Variants in EML4 observed in about 807,000 individuals in gnomAD.
EML4 encodes the protein EMAP like 4, also known as echinoderm microtubule-associated protein-like 4.
Under a neutral mutation model 129.0 loss-of-function variants are expected in EML4, and 72 were observed. The ratio of observed to expected loss-of-function variants is 0.56; its 90% CI spans 0.46 to 0.68. EML4 has a LOEUF of 0.68. Ranked by LOEUF, EML4 falls within the 30% of genes least tolerant of loss-of-function variation. The pLI is 0.00. For missense variants in EML4, 1,363 were observed against 1,190.6 expected (o/e 1.14, Z -2.13); for synonymous variants, 532 against 405.0 (o/e 1.31, Z -3.77).
intron 1 of EML4, among the ~76,000 whole-genome samples, chr2:42,219,162 G>A (rs1673393056): frequency 6.6e-6 from 1 of 152,100 alleles, no homozygotes; most frequent in South Asian, 2.1e-4. Context: ...TAGCAGAAAC[G>A]GCATCAAATA....
At position 42,309,953 on chromosome 2, in the gene EML4, T is replaced by C. The variant is rs527439665; in HGVS notation, c.1967+5402T>C. 9.8e-5 allele frequency among the ~76,000 whole-genome samples: 15 copies of C among 152,356 alleles called. No homozygotes were observed. The East Asian group carries it at 2.9e-3, about 29-fold the overall frequency. On this transcript the variant is annotated intron_variant, in intron 17 of 22. Transcript: ENST00000318522. Reference sequence around the variant, plus strand: ...ACTTCTATGTTTTCTTCTAAGAGTTTTATAGTTTTAGCTCTTACCTTTAGG... The same window carrying C: ...ACTTCTATGTTTTCTTCTAAGAGTTCTATAGTTTTAGCTCTTACCTTTAGG...
At chr2:42,256,954 A>G (rs1035470195) in intron 3 of EML4, among the ~76,000 whole-genome samples, 3 of 152,262 alleles carry the variant, frequency 2.0e-5, no homozygotes, top group Non-Finnish European at 4.4e-5. Flanking sequence ...TGAATTTTCC[A>G]TAGCAAGTGA....
intron 1 of EML4, among the ~76,000 whole-genome samples, chr2:42,204,777 T>C (rs753377708): frequency 2.0e-5 from 3 of 152,214 alleles, no homozygotes; most frequent in Non-Finnish European, 4.4e-5. Context: ...ATGATTCTTC[T>C]AACAGTTTTT....
At chr2:42,247,364 C>T (rs186190736) in intron 2 of EML4, among the ~76,000 whole-genome samples, 47 of 152,198 alleles carry the variant, frequency 3.1e-4, no homozygotes, top group Admixed American at 2.3e-3. Context: ...AGACCGTAGA[C>T]ATTTGAAAGA....
At chr2:42,238,557 A>G (rs1268533005) in intron 1 of EML4, among the ~76,000 whole-genome samples, 3 of 152,208 alleles carry the variant, frequency 2.0e-5, no homozygotes, top group Admixed American at 1.3e-4. Context: ...AGCTTGGGCA[A>G]TATTGTGAGA....
At chr2:42,245,094 C>CTTTCTT (rs1336279430) in intron 1 of EML4, among the ~76,000 whole-genome samples, 1 of 66,562 alleles carries the variant, frequency 1.5e-5, no homozygotes, top group African/African-American at 6.5e-5. Context: ...AATTTTCTTT[C>CTTTCTT]TTTTTTTTTT....
intron 1 of EML4, among the ~76,000 whole-genome samples, chr2:42,176,913 C>A (rs966893450): frequency 6.6e-6 from 1 of 152,148 alleles, no homozygotes; most frequent in Non-Finnish European, 1.5e-5. Flanking sequence ...CCTGCCTCAG[C>A]CTTCCGACTA....
intron 4 of EML4, among the ~76,000 whole-genome samples, chr2:42,262,288 T>A (rs1259935586): frequency 6.6e-6 from 1 of 152,224 alleles, no homozygotes; most frequent in Non-Finnish European, 1.5e-5. Context: ...TGTCTGTGTG[T>A]CTCATGCAGA....
At chr2:42,275,587 T>C (rs962408552) in intron 6 of EML4, among the ~76,000 whole-genome samples, 5 of 152,320 alleles carry the variant, frequency 3.3e-5, no homozygotes, top group South Asian at 4.1e-4. Flanking sequence ...CTACAGAATT[T>C]CTTCTTTAAT....
intron 19 of EML4, among the ~76,000 whole-genome samples, chr2:42,318,099 A>C (rs1490079540): frequency 6.6e-6 from 1 of 152,240 alleles, no homozygotes; most frequent in East Asian, 1.9e-4. Context: ...CCTAGCAAAC[A>C]AAATGGCTTA....
At chr2:42,194,326 A>G (rs1008666805) in intron 1 of EML4, among the ~76,000 whole-genome samples, 4 of 122,666 alleles carry the variant, frequency 3.3e-5, no homozygotes, top group African/African-American at 1.2e-4. Flanking sequence ...CCAGATCTGT[A>G]TTTTTCACTT....
rs1485424219 is a variant in EML4 at position 42,331,129 on chromosome 2, TA to T, written c.*925del. ...TGTTCCCTCAGTAATAGGAGAAATA[TA>T]AATACAGTAAGTTTAGATTATTGAA... is the stretch of plus-strand genomic sequence containing the variant. On this transcript the variant is annotated 3_prime_UTR_variant, in exon 23 of 23. Coordinates refer to ENST00000318522, the MANE Select transcript of EML4 (RefSeq NM_019063.5). 1 of 218,336 alleles carries T rather than the reference TA, an allele frequency of 4.6e-6. No individual in the cohort carries two copies. The highest frequency in any genetic ancestry group is 1.9e-4 in the South Asian group (1 of 5,392). 13.5% of individuals were successfully genotyped at this position (218,336 alleles called of 1,614,324 possible). A position where few individuals can be genotyped will look rare whatever the true frequency, so the allele number is the denominator to read the frequency against.
intron 22 of EML4, among the ~76,000 whole-genome samples, chr2:42,329,530 T>C (rs1039917805): frequency 5.9e-5 from 9 of 152,174 alleles, no homozygotes; most frequent in African/African-American, 2.2e-4. Flanking sequence ...TGTCCAATTC[T>C]TCTGTTTCGT....
At chr2:42,319,737 T>G (rs957598072) in intron 19 of EML4, 1 of 152,250 alleles carries the variant, frequency 6.6e-6, no homozygotes, top group Non-Finnish European at 1.5e-5. Flanking sequence ...GTTCGTACTT[T>G]ATAGCATTGT....
At chr2:42,249,069 T>C (rs919655807) in intron 2 of EML4, among the ~76,000 whole-genome samples, 2 of 152,208 alleles carry the variant, frequency 1.3e-5, no homozygotes, top group Non-Finnish European at 2.9e-5. Flanking sequence ...CTCTTCACTA[T>C]TGACATTTGT....
Position 42,256,512 on chromosome 2 carries a change from C to T in EML4, c.220C>T (p.Pro74Ser), listed in dbSNP as rs1203450410. 6.9e-6 allele frequency: 11 copies of T among 1,600,998 alleles called. No individual in the cohort carries two copies. The highest frequency in any genetic ancestry group is 9.4e-6 in the Non-Finnish European group (11 of 1,172,876). ...KSVSSKGQPS[P>S]RAVIPMSCIT... ...TTAATTATCTTTAGGCCAACCAAGC[C>T]CTCGAGCAGTTATTCCCATGTCCTG... The change falls in exon 3 of 23, where the codon CCT (proline) becomes TCT (serine). Residue 74 changes from proline (P) to serine (S), a missense_variant. Coordinates refer to ENST00000318522, the MANE Select transcript of EML4 (RefSeq NM_019063.5).
intron 1 of EML4, among the ~76,000 whole-genome samples, chr2:42,223,021 G>T (rs973709877): frequency 6.6e-6 from 1 of 151,946 alleles, no homozygotes; most frequent in African/African-American, 2.4e-5. Context: ...GGATGGTCTC[G>T]ATCTCCTGAC....
At chr2:42,245,186 C>T (rs112096602) in intron 1 of EML4, among the ~76,000 whole-genome samples, 26 of 147,712 alleles carry the variant, frequency 1.8e-4, no homozygotes, top group African/African-American at 5.5e-4. Context: ...CCTCCACCTC[C>T]GGGGTTCACA....
intron 1 of EML4, among the ~76,000 whole-genome samples, chr2:42,240,700 A>G (rs990774900): frequency 6.6e-6 from 1 of 152,238 alleles, no homozygotes; most frequent in African/African-American, 2.4e-5. Context: ...AGTGCAATAA[A>G]GAACATCACT....
Sources: allele counts gnomAD v4.1 joint callset (sites outside exome capture counted in the v4.1 genomes callset), GRCh38; gene constraint gnomAD v4.1.1; transcripts MANE v1.5; gene names NCBI Gene and HGNC (gene_info 2026-07-23, HGNC 2026-07-21).